Variants in PIK3CB observed in about 807,000 individuals in gnomAD.
PIK3CB encodes phosphatidylinositol-4,5-bisphosphate 3-kinase catalytic subunit beta, also known as phosphatidylinositol 4,5-bisphosphate 3-kinase catalytic subunit beta isoform.
PIK3CB carries 39 observed loss-of-function variants against 136.8 expected under a neutral mutation model. The ratio of observed to expected loss-of-function variants is 0.29; its 90% CI spans 0.22 to 0.37. The LOEUF (loss-of-function observed/expected upper bound fraction) is 0.37. Among genes scored for constraint, PIK3CB ranks in the 10% least tolerant of loss-of-function variants. The probability of loss-of-function intolerance (pLI) is 1.00; values close to 1 mark genes in which losing one functional copy is unlikely to be tolerated. For synonymous variants in PIK3CB, 428 were observed against 436.6 expected, an observed-to-expected ratio of 0.98 and a Z score of 0.25; for missense variants, 868 against 1,275.4, an observed-to-expected ratio of 0.68 and a Z score of 4.87.
rs1479483518 is a variant in PIK3CB at position 138,688,951 on chromosome 3, A to G, written c.2060T>C (p.Val687Ala). 1 of 1,613,518 alleles carries G rather than the reference A, an allele frequency of 6.2e-7. No homozygotes were observed. The highest frequency in any genetic ancestry group is 8.5e-7 in the Non-Finnish European group (1 of 1,179,416). The change falls in exon 16 of 24, where the codon GTC (valine) becomes GCC (alanine). Residue 687 changes from valine (V) to alanine (A), a missense_variant. By Grantham distance (64) the Val-to-Ala change is moderately conservative. Coordinates refer to ENST00000674063, the MANE Select transcript of PIK3CB (RefSeq NM_006219.3). ...HLRSEVHIPA[V>A]SVQFGVILEA... ...AAGGATGACACCAAATTGTACTGAGACAGCAGGAATGTGCACTTCTGACCT... is the reference window on the plus strand; with the variant it reads ...AAGGATGACACCAAATTGTACTGAGGCAGCAGGAATGTGCACTTCTGACCT...
At chr3:138,708,618 G>GT (rs2044430018) in intron 10 of PIK3CB, among the ~76,000 whole-genome samples, 3 of 143,012 alleles carry the variant, frequency 2.1e-5, no homozygotes, top group African/African-American at 5.2e-5. Context: ...TAATCTTCCT[G>GT]TTTTTTTAGA....
intron 13 of PIK3CB, 136 bp downstream of exon 13, chr3:138,698,771 G>C: frequency 4.1e-6 from 2 of 491,160 alleles, no homozygotes; most frequent in Non-Finnish European, 7.3e-6. Context: ...TGGAGTATAA[G>C]AGTTTAAAAC....
At chr3:138,831,664 C>T (rs532381522) in intron 1 of PIK3CB, among the ~76,000 whole-genome samples, 225 of 152,188 alleles carry the variant, frequency 1.5e-3, no homozygotes, top group African/African-American at 5.2e-3. Flanking sequence ...CAGTGGCTGA[C>T]GCCTGTAATC....
At chr3:138,767,640 T>C (rs935975629) in intron 2 of PIK3CB, among the ~76,000 whole-genome samples, 3 of 152,120 alleles carry the variant, frequency 2.0e-5, no homozygotes, top group Non-Finnish European at 4.4e-5. Context: ...AATGGGTGTG[T>C]GAGCAAGTGT....
At chr3:138,804,401 C>A (rs899380593) in intron 1 of PIK3CB, among the ~76,000 whole-genome samples, 2 of 152,064 alleles carry the variant, frequency 1.3e-5, no homozygotes, top group African/African-American at 2.4e-5. Context: ...GTAGTCCCAG[C>A]AACTCAGGAG....
At chr3:138,822,314 A>T (rs991511049) in intron 1 of PIK3CB, among the ~76,000 whole-genome samples, 1 of 151,932 alleles carries the variant, frequency 6.6e-6, no homozygotes, top group Admixed American at 6.6e-5. Flanking sequence ...CAGGCAGATC[A>T]CAAGGTCAGG....
chr3:138,823,074 T>C (rs1483802430), intron 1 of PIK3CB, among the ~76,000 whole-genome samples: 2 of 151,320 alleles, frequency 1.3e-5, no homozygotes, highest in African/African-American at 4.8e-5. Context: ...TACATTTTTT[T>C]TCAGATAACA....
intron 2 of PIK3CB, among the ~76,000 whole-genome samples, chr3:138,787,125 T>C (rs915874847): frequency 2.6e-5 from 4 of 151,962 alleles, no homozygotes. Context: ...AGACAATGAA[T>C]TGGAGAAAGA....
chr3:138,811,399 G>A (rs1330471720), intron 1 of PIK3CB, among the ~76,000 whole-genome samples: 1 of 151,624 alleles, frequency 6.6e-6, no homozygotes, highest in Non-Finnish European at 1.5e-5. Flanking sequence ...TTCTAAATGT[G>A]GTAACTATAC....
rs748684887 is a variant in PIK3CB at position 138,656,230 on chromosome 3, T to C, written c.2987A>G (p.His996Arg). The C allele has an allele frequency of 3.7e-6, 6 of 1,614,194 alleles. No individual in the cohort carries two copies. The highest frequency in any genetic ancestry group is 1.3e-5 in the African/African-American group (1 of 75,066). The stretch of plus-strand genomic sequence containing the variant: ...AAAGAGAGTGATGAAGAGATTCCCA[T>C]GCCGTCGTAAAATCAGATATGCATC... The part of the protein sequence containing the change: ...CEDAYLILRR[H>R]GNLFITLFAL... The change falls in exon 23 of 24, where the codon CAT becomes CGT. Residue 996 changes from histidine to arginine, a missense_variant. His to Arg is a conservative substitution (Grantham distance 29). Around this residue, in one of 4 missense-constraint regions of PIK3CB, gnomAD observed 88 missense variants for 147.8 expected, o/e 0.60. Transcript: ENST00000674063.
intron 16 of PIK3CB, among the ~76,000 whole-genome samples, chr3:138,685,420 A>AAAAAAAGAAAG (rs2043866681): frequency 5.7e-5 from 5 of 86,966 alleles, no homozygotes; most frequent in Non-Finnish European, 9.2e-5. Flanking sequence ...AAAAAAAAAA[A>AAAAAAAGAAAG]AAAGAAAGAA....
chr3:138,815,097 G>C (rs759909143), intron 1 of PIK3CB, among the ~76,000 whole-genome samples: 78 of 126,038 alleles, frequency 6.2e-4, no homozygotes, highest in South Asian at 1.8e-3. Context: ...CCGTGATCGC[G>C]CCACTGCACT....
chr3:138,672,063 AAAAAAGGAG>A (rs2043545207), intron 19 of PIK3CB, among the ~76,000 whole-genome samples: 1 of 152,194 alleles, frequency 6.6e-6, no homozygotes, highest in African/African-American at 2.4e-5. Flanking sequence ...CAAAAAGGAA[AAAAAAGGAG>A]AAAAAGGAGA....
chr3:138,707,240 T>C lies in PIK3CB; in HGVS notation c.1449A>G (p.Pro483=), dbSNP rs370955831. The change falls in exon 11 of 24, where the codon CCA becomes CCG. Residue 483 remains proline (P), a synonymous_variant. Transcript: ENST00000674063. ...GCAAAGCTGTTGCATTTTCAGTATA[T>C]GGATTTGTTTGAACAGTTCCCATTG... ...LNPMGTVQTN[P]YTENATALHV... 1.7e-5 allele frequency: 27 copies of C among 1,612,906 alleles called. No homozygotes were observed. Among genetic ancestry groups the C allele is most frequent in the Non-Finnish European group, 2.1e-5 (25 of 1,179,256 alleles).
In PIK3CB at chr3:138,654,342, C is replaced by T. The variant is rs968792470; in HGVS notation, c.*1047G>A. On this transcript the variant is annotated 3_prime_UTR_variant, in exon 24 of 24. Transcript: ENST00000674063. ...CCTCAACAAATAACTTAAAGATTTC[C>T]GTGTGGCGTGAAACCATTTCAATTT... 15 of 218,008 alleles carry T rather than the reference C, an allele frequency of 6.9e-5. No individual in the cohort carries two copies. The highest frequency in any genetic ancestry group is 9.2e-5 in the Non-Finnish European group (10 of 108,688). The allele number at this position is 218,008 out of a possible 1,614,324, so 13.5% of individuals were successfully genotyped here.
chr3:138,758,422 T>C (rs2045611227), intron 3 of PIK3CB, among the ~76,000 whole-genome samples: 1 of 152,204 alleles, frequency 6.6e-6, no homozygotes, highest in East Asian at 1.9e-4. Context: ...AAATGGTTAA[T>C]CTAATGTGAA....
chr3:138,755,613 A>C, intron 4 of PIK3CB, 141 bp downstream of exon 4: 1 of 513,412 alleles, frequency 1.9e-6, no homozygotes, highest in East Asian at 3.1e-5. Flanking sequence ...TACTTACCTT[A>C]TCTCAAACTG....
chr3:138,693,953 A>ATG (rs2044069211), intron 14 of PIK3CB, among the ~76,000 whole-genome samples: 2 of 37,870 alleles, frequency 5.3e-5, no homozygotes, highest in Middle Eastern at 9.4e-3. Flanking sequence ...ATATATATAT[A>ATG]TATATATATA....
intron 19 of PIK3CB, among the ~76,000 whole-genome samples, chr3:138,680,853 A>G (rs1441482893): frequency 6.6e-6 from 1 of 151,464 alleles, no homozygotes; most frequent in Non-Finnish European, 1.5e-5. Context: ...ACAACCTACT[A>G]ATTTTTTGTA....
Sources: gnomAD v4.1 joint callset for allele counts (sites outside exome capture counted in the v4.1 genomes callset) on GRCh38, gnomAD v4.1.1 for gene constraint, gnomAD v4.1.1 regional missense constraint, MANE v1.5 for transcripts, NCBI Gene and HGNC (gene_info 2026-07-23, HGNC 2026-07-21) for gene names.